The following MBNL2 variants were observed in gnomAD, a reference collection of about 807,000 sequenced individuals.
MBNL2 encodes the protein muscleblind like splicing regulator 2, also known as muscleblind-like protein 2.
MBNL2 carries 17 observed loss-of-function variants against 41.9 expected under a neutral mutation model. The observed-to-expected ratio is 0.41, with a 90% CI of 0.28 to 0.61. The LOEUF (loss-of-function observed/expected upper bound fraction) is 0.61, where lower values mean the gene tolerates loss of function less well. MBNL2 is among the 20% of genes least tolerant of loss of function. The probability of loss-of-function intolerance (pLI) is 0.35; values close to 1 mark genes in which losing one functional copy is unlikely to be tolerated. For synonymous variants in MBNL2, 195 were observed against 182.9 expected (o/e 1.07, Z -0.53); for missense variants, 336 against 505.6 (o/e 0.66, Z 3.22).
Position 97,282,005 on chromosome 13 carries a change from T to C in MBNL2, c.174+5596T>C, listed in dbSNP as rs763992893. Among the ~76,000 whole-genome samples the C allele has an allele frequency of 2.7e-4, 41 of 151,450 alleles. 1 individual carries two copies. The highest frequency in any genetic ancestry group is 5.4e-4 in the Non-Finnish European group (37 of 67,930). On this transcript the variant is annotated intron_variant, in intron 2 of 8. Transcript: ENST00000679496. ...ATGTGGTTAATTTCAAAATTCTTAATAGCTTAATAATATTCATATGTAACA... is the reference window on the plus strand; with the variant it reads ...ATGTGGTTAATTTCAAAATTCTTAACAGCTTAATAATATTCATATGTAACA...
At chr13:97,219,848 T>C (rs1470431579), upstream of MBNL2, among the ~76,000 whole-genome samples, 1 of 152,126 alleles carries the variant, frequency 6.6e-6, no homozygotes, top group Non-Finnish European at 1.5e-5. Context: ...TTTGAAGGGG[T>C]CAAGAATATA....
intron 1 of MBNL2, among the ~76,000 whole-genome samples, chr13:97,250,756 C>T (rs1462658975): frequency 6.6e-6 from 1 of 152,172 alleles, no homozygotes; most frequent in East Asian, 1.9e-4. Context: ...GCCTCACTTC[C>T]TGCCTGATAT....
chr13:97,349,677 G>A (rs2062248672), intron 5 of MBNL2, among the ~76,000 whole-genome samples: 1 of 152,150 alleles, frequency 6.6e-6, no homozygotes, highest in African/African-American at 2.4e-5. Flanking sequence ...ACAGGTGCAT[G>A]CCACCATGTC....
chr13:97,254,055 A>G (rs1182474813), intron 1 of MBNL2, among the ~76,000 whole-genome samples: 2 of 151,980 alleles, frequency 1.3e-5, no homozygotes, highest in African/African-American at 4.8e-5. Context: ...ATGCCCAACT[A>G]ATTTTTGTAT....
chr13:97,184,197 A>G, the MBNL2 span, among the ~76,000 whole-genome samples: 1,361 of 152,302 alleles, frequency 8.9e-3, 20 homozygotes, highest in African/African-American at 0.031. Context: ...TCTCTATCCT[A>G]CAAGATATAG....
At chr13:97,332,983 T>C (rs950201393) in intron 2 of MBNL2, among the ~76,000 whole-genome samples, 2 of 152,070 alleles carry the variant, frequency 1.3e-5, no homozygotes, top group Non-Finnish European at 2.9e-5. Flanking sequence ...TCCATGGTGG[T>C]GGGGGAAGAT....
chr13:97,344,487 C>T (rs974454747), intron 4 of MBNL2, among the ~76,000 whole-genome samples: 5 of 152,096 alleles, frequency 3.3e-5, no homozygotes, highest in Non-Finnish European at 5.9e-5. Flanking sequence ...AAATATTAAC[C>T]CAATAAACCT....
intron 8 of MBNL2, among the ~76,000 whole-genome samples, chr13:97,374,151 T>C (rs2064717693): frequency 6.6e-6 from 1 of 150,864 alleles, no homozygotes; most frequent in African/African-American, 2.4e-5. Flanking sequence ...CTTTTTATTT[T>C]ATTTTTATTT....
chr13:97,352,749 A>G (rs1358037642), intron 5 of MBNL2, among the ~76,000 whole-genome samples: 3 of 152,260 alleles, frequency 2.0e-5, no homozygotes, highest in Non-Finnish European at 4.4e-5. Context: ...TCTGCAAAGT[A>G]CCATACAACA....
chr13:97,372,566 AT>A (rs2064489073), intron 8 of MBNL2, among the ~76,000 whole-genome samples: 1 of 152,214 alleles, frequency 6.6e-6, no homozygotes, highest in Admixed American at 6.5e-5. Context: ...CTCTATTTAT[AT>A]TTGATAAATT....
In MBNL2 at chr13:97,334,502, C is replaced by A; in HGVS notation, c.339+62C>A. 7.8e-7 allele frequency: 1 copy of A among 1,278,304 alleles called. No individual in the cohort carries two copies. The highest frequency in any genetic ancestry group is 1.1e-6 in the Non-Finnish European group (1 of 931,336). 79.2% of individuals were successfully genotyped at this position (1,278,304 alleles called of 1,614,324 possible). A position where few individuals can be genotyped will look rare whatever the true frequency, so the allele number is the denominator to read the frequency against. On this transcript the variant is annotated intron_variant, in intron 3 of 8. Transcript: ENST00000679496. This position sits in a 1 kb window ranked among gnomAD's most constrained non-coding sequence, Gnocchi z 5.3. ...TACAGTGTTGGTATGGATGATGCCACGTTGACCTAGGGTGGCCTCTCTCCA... is the reference window on the plus strand; with the variant it reads ...TACAGTGTTGGTATGGATGATGCCAAGTTGACCTAGGGTGGCCTCTCTCCA...
chr13:97,239,595 C>T (rs937195095), intron 1 of MBNL2, among the ~76,000 whole-genome samples: 7 of 152,210 alleles, frequency 4.6e-5, no homozygotes, highest in African/African-American at 1.7e-4. Context: ...AAAGAGAGGC[C>T]AGCTATGCTC....
intron 1 of MBNL2, among the ~76,000 whole-genome samples, chr13:97,244,414 A>G (rs781524415): frequency 2.6e-5 from 4 of 152,254 alleles, no homozygotes; most frequent in Non-Finnish European, 5.9e-5. Flanking sequence ...CAAGATCAGA[A>G]AAGCCAAGGA....
At chr13:97,310,523 A>C (rs1230950465) in intron 2 of MBNL2, among the ~76,000 whole-genome samples, 2 of 150,252 alleles carry the variant, frequency 1.3e-5, no homozygotes, top group Non-Finnish European at 3.0e-5. Context: ...TCCCCATCCC[A>C]GGTTCACGCC....
chr13:97,149,077 G>T, the MBNL2 span, among the ~76,000 whole-genome samples: 1 of 152,196 alleles, frequency 6.6e-6, no homozygotes, highest in African/African-American at 2.4e-5. Context: ...ATCCACTGTG[G>T]CTGTGGCTGT....
At chr13:97,380,823 C>A (rs915446858) in intron 8 of MBNL2, among the ~76,000 whole-genome samples, 2 of 152,062 alleles carry the variant, frequency 1.3e-5, no homozygotes, top group African/African-American at 2.4e-5. Context: ...ATTTTGCCGA[C>A]GATTGGCTAT....
At chr13:97,193,863 G>A in the MBNL2 span, among the ~76,000 whole-genome samples, 44 of 152,214 alleles carry the variant, frequency 2.9e-4, no homozygotes, top group African/African-American at 1.0e-3. Context: ...GCCTTCCAAG[G>A]GCAGACTCCT....
intron 1 of MBNL2, among the ~76,000 whole-genome samples, chr13:97,242,309 C>G (rs2044456945): frequency 6.6e-6 from 1 of 152,144 alleles, no homozygotes; most frequent in Admixed American, 6.5e-5. Context: ...AGCCAAGGCT[C>G]CCGCATTTCT....
intron 2 of MBNL2, among the ~76,000 whole-genome samples, chr13:97,300,805 G>A (rs1325308862): frequency 6.6e-6 from 1 of 152,120 alleles, no homozygotes; most frequent in African/African-American, 2.4e-5. Context: ...ATTATAATCT[G>A]GTAGGAATTA....
Sources: gnomAD v4.1 joint callset for allele counts (sites outside exome capture counted in the v4.1 genomes callset) on GRCh38, gnomAD v4.1.1 for gene constraint, Gnocchi (gnomAD v3.1) non-coding constraint, MANE v1.5 for transcripts, NCBI Gene and HGNC (gene_info 2026-07-23, HGNC 2026-07-21) for gene names.